GOLGA4: variants seen among roughly 807,000 people sequenced by gnomAD.
The protein encoded by GOLGA4 is golgin subfamily A member 4.
GOLGA4 carries 169 observed loss-of-function variants against 265.9 expected under a neutral mutation model. That is an observed-to-expected ratio of 0.64 (90% CI 0.56 to 0.72). The LOEUF is 0.72. Among genes scored for constraint, GOLGA4 ranks in the 30% least tolerant of loss-of-function variants. GOLGA4 has a pLI of 0.00. For missense variants in GOLGA4, 2,482 were observed against 2,483.4 expected (o/e 1.00, Z 0.01); for synonymous variants, 923 against 855.8 (o/e 1.08, Z -1.37).
At chr3:37,260,157 TAAAA>T (rs11359349) in intron 2 of GOLGA4, among the ~76,000 whole-genome samples, 11 of 124,060 alleles carry the variant, frequency 8.9e-5, no homozygotes, top group East Asian at 5.6e-4. Flanking sequence ...GTTGATGAGC[TAAAA>T]AAAAAAAAAA....
chr3:37,248,460 C>T (rs918930582), intron 1 of GOLGA4, among the ~76,000 whole-genome samples: 1 of 152,164 alleles, frequency 6.6e-6, no homozygotes, highest in African/African-American at 2.4e-5. Flanking sequence ...TTTGAAGGAA[C>T]CTAAATCCCT....
In GOLGA4 at chr3:37,304,866, T is replaced by C. The variant is rs544859804; in HGVS notation, c.1234+2534T>C. On this transcript the variant is annotated intron_variant, in intron 10 of 23. Transcript: ENST00000361924. ...TTCAGTGTGATTTTCATAAACCATATTTTTTTAATATTTGATAGCGTAAAG... is the reference window on the plus strand; with the variant it reads ...TTCAGTGTGATTTTCATAAACCATACTTTTTTAATATTTGATAGCGTAAAG... Among the ~76,000 whole-genome samples, 26 of 152,280 alleles carry C rather than the reference T, an allele frequency of 1.7e-4. 1 individual carries two copies. In the South Asian group the frequency reaches 5.2e-3, roughly 30 times the overall value.
chr3:37,259,674 A>G (rs565906323), intron 2 of GOLGA4, among the ~76,000 whole-genome samples: 1 of 152,284 alleles, frequency 6.6e-6, no homozygotes, highest in South Asian at 2.1e-4. Context: ...TTGGAGTGGA[A>G]AGCTGATCTT....
At chr3:37,278,858 GCT>G (rs2096826930) in intron 2 of GOLGA4, among the ~76,000 whole-genome samples, 1 of 149,870 alleles carries the variant, frequency 6.7e-6, no homozygotes, top group Non-Finnish European at 1.5e-5. Context: ...TGTCACCCAG[GCT>G]GTAGTGCAGT....
At chr3:37,262,341 A>G (rs2096771871) in intron 2 of GOLGA4, among the ~76,000 whole-genome samples, 1 of 152,084 alleles carries the variant, frequency 6.6e-6, no homozygotes, top group South Asian at 2.1e-4. Context: ...CCCCATCTCT[A>G]CTAATAATAC....
intron 10 of GOLGA4, among the ~76,000 whole-genome samples, chr3:37,304,456 A>G (rs1003339280): frequency 6.6e-6 from 1 of 152,214 alleles, no homozygotes; most frequent in Admixed American, 6.5e-5. Context: ...ATAATCTTTG[A>G]AGACTGACTT....
intron 23 of GOLGA4, among the ~76,000 whole-genome samples, chr3:37,362,240 ATT>A (rs773620319): frequency 2.4e-4 from 23 of 93,994 alleles, no homozygotes; most frequent in African/African-American, 3.6e-4. Context: ...TTTATTTATT[ATT>A]TTTTTTTTTT....
At chr3:37,254,392 CTG>C (rs2096742527) in intron 2 of GOLGA4, among the ~76,000 whole-genome samples, 1 of 152,076 alleles carries the variant, frequency 6.6e-6, no homozygotes, top group African/African-American at 2.4e-5. Context: ...AGTGCAAAAA[CTG>C]TACTATGTAC....
chr3:37,309,304 C>T (rs1449494177), intron 10 of GOLGA4, among the ~76,000 whole-genome samples: 2 of 151,058 alleles, frequency 1.3e-5, no homozygotes, highest in African/African-American at 4.9e-5. Context: ...GCCTGTAATG[C>T]CAGCACTTTG....
chr3:37,287,158 T>C (rs1250469095), intron 4 of GOLGA4, among the ~76,000 whole-genome samples: 12 of 152,112 alleles, frequency 7.9e-5, no homozygotes, highest in Non-Finnish European at 1.8e-4. Flanking sequence ...CTGGCCAACA[T>C]GATGAAACCC....
chr3:37,358,542 A>G (rs1392326323), intron 22 of GOLGA4, among the ~76,000 whole-genome samples: 4 of 152,038 alleles, frequency 2.6e-5, no homozygotes, highest in Admixed American at 6.6e-5. Context: ...TGCTGTGGAA[A>G]CTCAGGCAAT....
intron 6 of GOLGA4, 75 bp from the exon 7 acceptor site, chr3:37,296,012 A>G: frequency 5.2e-6 from 7 of 1,341,722 alleles, no homozygotes; most frequent in Non-Finnish European, 7.5e-6. Flanking sequence ...CCAATCCCCC[A>G]CAGATACCAA....
At chr3:37,348,446 GCTAAAACTAATTTT>G (rs2097063007) in intron 21 of GOLGA4, among the ~76,000 whole-genome samples, 1 of 151,954 alleles carries the variant, frequency 6.6e-6, no homozygotes, top group Non-Finnish European at 1.5e-5. Context: ...TTCAAGGGTA[GCTAAAACTAATTTT>G]CTCCTTATCT....
chr3:37,342,387 A>G lies in GOLGA4; in HGVS notation c.6472+2188A>G, dbSNP rs530900493. Among the ~76,000 whole-genome samples the G allele has an allele frequency of 1.2e-3, 189 of 152,208 alleles. 2 individuals carry two copies. The highest frequency in any genetic ancestry group is 4.5e-3 in the African/African-American group (185 of 41,540). On this transcript the variant is annotated intron_variant, in intron 20 of 23. Coordinates refer to ENST00000361924, the MANE Select transcript of GOLGA4 (RefSeq NM_002078.5). ...AATTGAGCACCTATCTTGCAGTACAAAATAAAACATTCCTAGTTCTTTAGA... is the reference window on the plus strand; with the variant it reads ...AATTGAGCACCTATCTTGCAGTACAGAATAAAACATTCCTAGTTCTTTAGA...
chr3:37,322,510 A>G (rs2096957882), intron 13 of GOLGA4, among the ~76,000 whole-genome samples: 1 of 152,146 alleles, frequency 6.6e-6, no homozygotes, highest in Non-Finnish European at 1.5e-5. Flanking sequence ...TAGATAGTAA[A>G]ACAGTCATAC....
chr3:37,359,771 G>A (rs1036559141), intron 22 of GOLGA4, among the ~76,000 whole-genome samples: 3 of 152,072 alleles, frequency 2.0e-5, no homozygotes, highest in African/African-American at 7.2e-5. Flanking sequence ...AGCATTGCTA[G>A]GTACAAAAGT....
chr3:37,345,829 C>G (rs2097054372), intron 20 of GOLGA4, among the ~76,000 whole-genome samples: 1 of 152,030 alleles, frequency 6.6e-6, no homozygotes, highest in African/African-American at 2.4e-5. Flanking sequence ...CACCTGTAAT[C>G]TCAGCTGCTC....
intron 10 of GOLGA4, among the ~76,000 whole-genome samples, chr3:37,312,431 C>G (rs1172418917): frequency 6.6e-6 from 1 of 151,706 alleles, no homozygotes; most frequent in Admixed American, 6.6e-5. Flanking sequence ...ATATGTAAAA[C>G]AAAGATACCA....
At chr3:37,308,693 G>A (rs1360992766) in intron 10 of GOLGA4, among the ~76,000 whole-genome samples, 6 of 151,710 alleles carry the variant, frequency 4.0e-5, no homozygotes, top group African/African-American at 1.4e-4. Context: ...TCGGCTCACT[G>A]CAACGTCCGC....
Sources: gnomAD v4.1 joint callset for allele counts (sites outside exome capture counted in the v4.1 genomes callset) on GRCh38, gnomAD v4.1.1 for gene constraint, MANE v1.5 for transcripts, NCBI Gene and HGNC (gene_info 2026-07-23, HGNC 2026-07-21) for gene names.